Variants in ZNF277 observed in about 807,000 individuals in gnomAD.
ZNF277 encodes the protein zinc finger protein 277.
A neutral mutation model predicts 60.7 loss-of-function variants in ZNF277; 55 were observed. The observed-to-expected ratio is 0.91, with a 90% CI of 0.73 to 1.13. The LOEUF (loss-of-function observed/expected upper bound fraction) is 1.13. Ranked by LOEUF, ZNF277 falls within the 50% of genes most tolerant of loss-of-function variation. ZNF277 has a pLI of 0.00. For synonymous variants in ZNF277, 178 were observed against 179.3 expected (o/e 0.99, Z 0.06); for missense variants, 510 against 523.0 (o/e 0.98, Z 0.24).
Position 112,206,779 on chromosome 7 carries a change from CAGCACAGTCGGGGGTGT to C in ZNF277, c.66_82del (p.Ser22ArgfsTer6). On this transcript the variant is annotated frameshift_variant, in exon 1 of 12. Coordinates refer to ENST00000361822, the MANE Select transcript of ZNF277 (RefSeq NM_021994.3). LOFTEE classifies it high-confidence loss of function. ...TGCAGGAAGACCGTGATGGGAGCTG[CAGCACAGTCGGGGGTGT>C]AGGTTATGGGGGTGAGTACGGTGCC... 6.2e-7 allele frequency: 1 copy of C among 1,613,414 alleles called. No homozygotes were observed.
chr7:112,295,957 G>C lies in ZNF277; in HGVS notation c.382G>C (p.Glu128Gln), dbSNP rs1563219202. 4 of 1,606,122 alleles carry C rather than the reference G, an allele frequency of 2.5e-6. No homozygotes were observed. The highest frequency in any genetic ancestry group is 3.4e-6 in the Non-Finnish European group (4 of 1,173,430). The change falls in exon 3 of 12, where the codon GAA (glutamate) becomes CAA (glutamine). Residue 128 changes from glutamate (E) to glutamine (Q), a missense_variant and splice_region_variant. Transcript: ENST00000361822. The part of the protein sequence containing the change: ...VIRINSTAPF[E>Q]EQENYFLLCD... Reference sequence around the variant, plus strand: ...AAGAATTAATTCCACTGCTCCATTTGGTAAGTGTACATCTTGGCTACCATC... The same window carrying C: ...AAGAATTAATTCCACTGCTCCATTTCGTAAGTGTACATCTTGGCTACCATC...
chr7:112,326,070 G>T (rs1267783308), intron 5 of ZNF277, among the ~76,000 whole-genome samples: 2 of 152,100 alleles, frequency 1.3e-5, no homozygotes, highest in Non-Finnish European at 2.9e-5. Context: ...TTGAGAGCCG[G>T]ATTCAGCTCC....
At chr7:112,212,861 C>G (rs1821787116) in intron 1 of ZNF277, among the ~76,000 whole-genome samples, 1 of 152,204 alleles carries the variant, frequency 6.6e-6, no homozygotes, top group African/African-American at 2.4e-5. Flanking sequence ...TACTCACACC[C>G]AGCTCCCCAC....
intron 7 of ZNF277, chr7:112,330,490 T>C (rs1793202323): frequency 2.7e-6 from 1 of 370,052 alleles, no homozygotes; most frequent in South Asian, 7.3e-5. Context: ...CATTTGGATA[T>C]CCACATACCA....
At position 112,336,582 on chromosome 7, in the gene ZNF277, A is replaced by T. The variant is rs576129177; in HGVS notation, c.869+411A>T. Among the ~76,000 whole-genome samples the T allele has an allele frequency of 2.4e-4, 36 of 152,322 alleles. 1 individual carries two copies. Among genetic ancestry groups the T allele is most frequent in the African/African-American group, 8.2e-4 (34 of 41,582 alleles). Reference sequence around the variant, plus strand: ...GGGCCATTGATGACTAACTTTAAACATTCACAGCTTCTTTGCTTGAAATTA... The same window carrying T: ...GGGCCATTGATGACTAACTTTAAACTTTCACAGCTTCTTTGCTTGAAATTA... On this transcript the variant is annotated intron_variant, in intron 8 of 11. Coordinates refer to ENST00000361822, the MANE Select transcript of ZNF277 (RefSeq NM_021994.3).
intron 1 of ZNF277, among the ~76,000 whole-genome samples, chr7:112,218,680 A>T (rs544206015): frequency 6.6e-6 from 1 of 152,216 alleles, no homozygotes; most frequent in African/African-American, 2.4e-5. Flanking sequence ...TATGAATGTG[A>T]CCATTTTAGA....
chr7:112,266,542 C>CAAAAA (rs1203814463), intron 1 of ZNF277, among the ~76,000 whole-genome samples: 3 of 151,540 alleles, frequency 2.0e-5, no homozygotes, highest in African/African-American at 7.3e-5. Context: ...ATTCAAATAT[C>CAAAAA]AAAAAATGAA....
At chr7:112,322,169 G>C (rs1792998639) in intron 5 of ZNF277, among the ~76,000 whole-genome samples, 1 of 152,006 alleles carries the variant, frequency 6.6e-6, no homozygotes, top group Non-Finnish European at 1.5e-5. Context: ...GAAGTTTATT[G>C]GGTTTCTTAG....
intron 1 of ZNF277, among the ~76,000 whole-genome samples, chr7:112,239,876 C>T (rs1357459585): frequency 6.6e-6 from 1 of 152,094 alleles, no homozygotes; most frequent in Admixed American, 6.6e-5. Context: ...GTACTACAAC[C>T]ACTTTTAAGA....
intron 1 of ZNF277, among the ~76,000 whole-genome samples, chr7:112,208,791 C>T (rs1311583672): frequency 6.7e-6 from 1 of 149,790 alleles, no homozygotes; most frequent in Non-Finnish European, 1.5e-5. Context: ...CGCCATTCTC[C>T]TGCCTCAGCC....
intron 1 of ZNF277, among the ~76,000 whole-genome samples, chr7:112,216,834 G>A (rs546610695): frequency 1.3e-5 from 2 of 152,326 alleles, no homozygotes; most frequent in East Asian, 3.9e-4. Context: ...ACATGTGTGT[G>A]TCATTGATCA....
chr7:112,297,149 G>A (rs576967494), intron 4 of ZNF277, among the ~76,000 whole-genome samples: 34 of 151,320 alleles, frequency 2.2e-4, no homozygotes, highest in African/African-American at 7.0e-4. Context: ...GGATGGTCTC[G>A]ATCTCCTGAC....
At chr7:112,296,930 T>TATTA (rs1411716765) in intron 4 of ZNF277, among the ~76,000 whole-genome samples, 2,016 of 88,704 alleles carry the variant, frequency 0.023, 106 homozygotes, top group African/African-American at 0.059. Context: ...TTTTTTTTTT[T>TATTA]TTTTTTTTTT....
In ZNF277 at chr7:112,341,030, A is replaced by AT; in HGVS notation, c.1168_1169insT (p.Thr390IlefsTer13). 1.2e-6 allele frequency: 2 copies of AT among 1,603,760 alleles called. No individual in the cohort carries two copies. The highest frequency in any genetic ancestry group is 1.7e-6 in the Non-Finnish European group (2 of 1,175,694). The stretch of plus-strand genomic sequence containing the variant: ...CACTTCGCTGCTCCCCGATAGAAAG[A>AT]CGTGGGATCAACTGGAGTACGTACT... On this transcript the variant is annotated frameshift_variant, in exon 11 of 12. Transcript: ENST00000361822. LOFTEE classifies it high-confidence loss of function.
chr7:112,305,429 CT>C lies in ZNF277; in HGVS notation c.465+9119del, dbSNP rs1792567033. 2.0e-5 allele frequency among the ~76,000 whole-genome samples: 3 copies of C among 150,830 alleles called. No individual in the cohort carries two copies. The Admixed American group carries it at 2.0e-4, about 10-fold the overall frequency. ...GTGGAGGATTAACTTTAGCTATCAGCTACAGTGTTTTGGAAAGTAGATACTC... is the reference window on the plus strand; with the variant it reads ...GTGGAGGATTAACTTTAGCTATCAGCACAGTGTTTTGGAAAGTAGATACTC... On this transcript the variant is annotated intron_variant, in intron 4 of 11. Transcript: ENST00000361822.
intron 1 of ZNF277, among the ~76,000 whole-genome samples, chr7:112,239,137 A>G (rs981263627): frequency 2.0e-5 from 3 of 152,152 alleles, no homozygotes; most frequent in Admixed American, 6.5e-5. Context: ...TATGGTGTCC[A>G]CAGAGAAAGA....
chr7:112,285,527 C>T (rs971629311), intron 1 of ZNF277, among the ~76,000 whole-genome samples: 11 of 150,630 alleles, frequency 7.3e-5, no homozygotes, highest in Non-Finnish European at 1.6e-4. Context: ...CTTCACTTCC[C>T]AGGTTCAAGC....
intron 5 of ZNF277, among the ~76,000 whole-genome samples, chr7:112,318,515 A>T (rs1262293979): frequency 6.6e-6 from 1 of 152,114 alleles, no homozygotes; most frequent in Non-Finnish European, 1.5e-5. Context: ...CAGGACTTTT[A>T]AAATTGGCTG....
chr7:112,333,142 ATACTT>A (rs1157018455), intron 7 of ZNF277, among the ~76,000 whole-genome samples: 3 of 150,382 alleles, frequency 2.0e-5, no homozygotes, highest in Non-Finnish European at 4.4e-5. Flanking sequence ...AATAATGACA[ATACTT>A]TATTTAAAAA....
Sources: allele counts gnomAD v4.1 joint callset (sites outside exome capture counted in the v4.1 genomes callset), GRCh38; gene constraint gnomAD v4.1.1; transcripts MANE v1.5; gene names NCBI Gene and HGNC (gene_info 2026-07-23, HGNC 2026-07-21).